Variants in GALK1 observed in about 807,000 individuals in gnomAD.
GALK1 encodes galactokinase.
GALK1 carries 30 observed loss-of-function variants against 38.6 expected under a neutral mutation model. The observed-to-expected ratio is 0.78, with a 90% confidence interval of 0.58 to 1.05. The LOEUF (loss-of-function observed/expected upper bound fraction) is 1.05, where lower values mean the gene tolerates loss of function less well. Among genes scored for constraint, GALK1 ranks in the 50% least tolerant of loss-of-function variants. The pLI is 0.00. For synonymous variants in GALK1, 240 were observed against 233.6 expected, an observed-to-expected ratio of 1.03 and a Z score of -0.25; for missense variants, 512 against 540.5, an observed-to-expected ratio of 0.95 and a Z score of 0.52.
At chr17:75,758,401 C>A in intron 6 of GALK1, 29 bp from the exon 7 acceptor site, 1 of 1,578,430 alleles carries the variant, frequency 6.3e-7, no homozygotes, top group East Asian at 2.3e-5. Context: ...AGGGGTGGGC[C>A]TGGGCCGGCC....
In GALK1 at chr17:75,763,963, G is replaced by C. The variant is rs371641311; in HGVS notation, c.289C>G (p.Arg97Gly). 1.9e-6 allele frequency: 3 copies of C among 1,613,206 alleles called. No homozygotes were observed. Among genetic ancestry groups the C allele is most frequent in the Non-Finnish European group, 2.5e-6 (3 of 1,179,944 alleles). ...CGAGGAGTCCCAGGCTCCAGCGAGCGCTGGGCTGTGGGCAGTGGAAACTGC... is the reference window on the plus strand; with the variant it reads ...CGAGGAGTCCCAGGCTCCAGCGAGCCCTGGGCTGTGGGCAGTGGAAACTGC... ...RLQFPLPTAQ[R>G]SLEPGTPRWA... The change falls in exon 2 of 8, where the codon CGC becomes GGC. Residue 97 changes from arginine to glycine, a missense_variant. Coordinates refer to ENST00000588479, the MANE Select transcript of GALK1 (RefSeq NM_000154.2).
chr17:75,758,717 G>A lies in GALK1; in HGVS notation c.794-118C>T, dbSNP rs1179198948. 130 of 1,290,784 alleles carry A rather than the reference G, an allele frequency of 1.0e-4. 4 individuals carry two copies. The South Asian group carries it at 1.6e-3, about 16-fold the overall frequency. The allele number at this position is 1,290,784 out of a possible 1,614,324, so 80.0% of individuals were successfully genotyped here. A position where few individuals can be genotyped will look rare whatever the true frequency, so the allele number is the denominator to read the frequency against. ...GCTGGACGGTGAAGGGTGGAAGGCCGCGGGGGCAGGGCAGCCTGGCTCTCT... is the reference window on the plus strand; with the variant it reads ...GCTGGACGGTGAAGGGTGGAAGGCCACGGGGGCAGGGCAGCCTGGCTCTCT... On this transcript the variant is annotated intron_variant, in intron 5 of 7. Coordinates refer to ENST00000588479, the MANE Select transcript of GALK1 (RefSeq NM_000154.2).
chr17:75,758,118 C>CG lies in GALK1; in HGVS notation c.1116dup (p.Gly373ArgfsTer30). 1 of 1,612,666 alleles carries CG rather than the reference C, an allele frequency of 6.2e-7. No homozygotes were observed. The highest frequency in any genetic ancestry group is 8.5e-7 in the Non-Finnish European group (1 of 1,179,942). ...GAGAGGTAGAAGGTGGCAGTCCCGC[C>CG]GTAGTGCTCCTGTAAGAGGCGGGCT... On this transcript the variant is annotated frameshift_variant, in exon 8 of 8. Transcript: ENST00000588479. LOFTEE classifies it high-confidence loss of function.
chr17:75,764,667 C>T (rs1197938153), intron 1 of GALK1: 2 of 533,666 alleles, frequency 3.7e-6, no homozygotes, highest in South Asian at 3.8e-5. Flanking sequence ...CTGCGTGGCA[C>T]ACAGGGCCTC....
chr17:75,763,150 C>T lies in GALK1; in HGVS notation c.476-1G>A. On this transcript the variant is annotated splice_acceptor_variant, in intron 3 of 7. Transcript: ENST00000588479. LOFTEE classifies it high-confidence loss of function. Reference sequence around the variant, plus strand: ...GCGCGGGCAGCTATTGTGCCCGAGTCTGCAGTACAGGGTGAGGTGGGGAGG... The same window carrying T: ...GCGCGGGCAGCTATTGTGCCCGAGTTTGCAGTACAGGGTGAGGTGGGGAGG... 6.2e-7 allele frequency: 1 copy of T among 1,611,706 alleles called. No individual in the cohort carries two copies. The highest frequency in any genetic ancestry group is 8.5e-7 in the Non-Finnish European group (1 of 1,179,976).
chr17:75,757,590 G>A, downstream of GALK1: 1 of 1,612,878 alleles, frequency 6.2e-7, no homozygotes, highest in South Asian at 1.1e-5. Context: ...CGTCCCACTA[G>A]GCGTCCTCCC....
At chr17:75,758,715 C>T (rs931307207) in intron 5 of GALK1, 116 bp from the exon 6 acceptor site, 2 of 1,339,080 alleles carry the variant, frequency 1.5e-6, no homozygotes, top group Non-Finnish European at 2.1e-6. Flanking sequence ...GGGTGGAAGG[C>T]CGCGGGGGCA....
chr17:75,754,442 T>C (rs569858334), downstream of GALK1: 4 of 1,118,094 alleles, frequency 3.6e-6, no homozygotes, highest in East Asian at 2.4e-5. Flanking sequence ...CCCTAGTGGT[T>C]TGAGGGAAAC....
chr17:75,753,692 G>T (rs889790472), downstream of GALK1: 7 of 1,054,316 alleles, frequency 6.6e-6, no homozygotes, highest in African/African-American at 1.2e-4. Context: ...AGAGCCTACG[G>T]CCTTCCCCCG....
chr17:75,763,399 T>C lies in GALK1; in HGVS notation c.396A>G (p.Ser132=), dbSNP rs766401384. The C allele has an allele frequency of 1.2e-6, 2 of 1,612,124 alleles. No homozygotes were observed. The highest frequency in any genetic ancestry group is 8.5e-7 in the Non-Finnish European group (1 of 1,179,300). The part of the protein sequence containing the change: ...LPGFSAVVVS[S]VPLGGGLSSS... ...TGGACAGGCCACCCCCCAGGGGCAC[T>C]GAGCTGACCACCACTGCACTGAAGC... is the stretch of plus-strand genomic sequence containing the variant. Residue 132 remains serine, a synonymous_variant, in exon 3 of 8, where the codon TCA becomes TCG. Transcript: ENST00000588479.
intron 2 of GALK1, 132 bp from the exon 3 acceptor site, chr17:75,763,571 A>G: frequency 9.4e-7 from 1 of 1,062,390 alleles, no homozygotes; most frequent in Non-Finnish European, 1.4e-6. Context: ...AATTGTCAGA[A>G]GCCACCAACC....
At chr17:75,756,286 T>C, downstream of GALK1, 1 of 813,880 alleles carries the variant, frequency 1.2e-6, no homozygotes, top group Non-Finnish European at 2.0e-6. Context: ...AGCCATACCA[T>C]ACTGTACCCA....
Position 75,758,326 on chromosome 17 carries a change from C to T in GALK1, c.991G>A (p.Ala331Thr). The change falls in exon 7 of 8, where the codon GCT (alanine) becomes ACT (threonine). Residue 331 changes from alanine to threonine, a missense_variant. Physicochemically the swap from Ala to Thr is moderately conservative, Grantham distance 58. Transcript: ENST00000588479. ...SCPELDQLVE[A>T]ALAVPGVYGS... Reference sequence around the variant, plus strand: ...TAAACCCCAGGCACAGCAAGCGCAGCCTCCACCAGCTGGTCCAGCTCTGGG... The same window carrying T: ...TAAACCCCAGGCACAGCAAGCGCAGTCTCCACCAGCTGGTCCAGCTCTGGG... The T allele has an allele frequency of 1.3e-6, 2 of 1,594,226 alleles. No individual in the cohort carries two copies. Among genetic ancestry groups the T allele is most frequent in the South Asian group, 1.1e-5 (1 of 88,494 alleles).
At chr17:75,763,551 T>C in intron 2 of GALK1, 112 bp from the exon 3 acceptor site, 2 of 1,234,346 alleles carry the variant, frequency 1.6e-6, no homozygotes, top group South Asian at 2.6e-5. Flanking sequence ...GTTTCTAGGG[T>C]GTGTGTCTCA....
At chr17:75,757,886 A>G (rs553689427), downstream of GALK1, 14 of 786,092 alleles carry the variant, frequency 1.8e-5, no homozygotes, top group South Asian at 1.8e-4. Flanking sequence ...CGGTTCTGAC[A>G]TCCCCCATTC....
At chr17:75,754,757 C>T (rs1354251766), downstream of GALK1, 5 of 1,612,554 alleles carry the variant, frequency 3.1e-6, no homozygotes, top group East Asian at 2.2e-5. Context: ...GCTCAGAACA[C>T]TCACACTCGA....
intron 1 of GALK1, chr17:75,764,557 T>C (rs961151827): frequency 6.5e-6 from 3 of 463,492 alleles, no homozygotes; most frequent in Non-Finnish European, 1.3e-5. Flanking sequence ...TAGGCCTCAG[T>C]TTCCTCCTCT....
intron 5 of GALK1, among the ~76,000 whole-genome samples, chr17:75,759,479 T>C (rs1599333509): frequency 6.7e-6 from 1 of 148,210 alleles, no homozygotes; most frequent in South Asian, 2.2e-4. Flanking sequence ...AGACAGTGGG[T>C]GGTGTTTTAG....
At chr17:75,752,393 C>A (rs759387066) in intron 8 of GALK1, 2 of 1,612,494 alleles carry the variant, frequency 1.2e-6, no homozygotes, top group Admixed American at 1.7e-5. Context: ...GCAGACCGGG[C>A]AGGGGGGCAG....
Sources: allele counts gnomAD v4.1 joint callset (sites outside exome capture counted in the v4.1 genomes callset), GRCh38; gene constraint gnomAD v4.1.1; transcripts MANE v1.5; gene names NCBI Gene and HGNC (gene_info 2026-07-23, HGNC 2026-07-21).